Variants in CACNA2D3 observed in about 807,000 individuals in gnomAD.
CACNA2D3 encodes the protein calcium voltage-gated channel auxiliary subunit alpha2delta 3, also known as voltage-dependent calcium channel subunit alpha-2/delta-3.
Under a neutral mutation model 160.6 loss-of-function variants are expected in CACNA2D3, and 60 were observed. The observed-to-expected ratio is 0.37, with a 90% confidence interval of 0.30 to 0.46. CACNA2D3 has a LOEUF of 0.46. Among genes scored for constraint, CACNA2D3 ranks in the 20% least tolerant of loss-of-function variants. The pLI, the probability that CACNA2D3 is intolerant of heterozygous loss-of-function variation, is 1.00. For missense variants in CACNA2D3, 1,205 were observed against 1,365.0 expected (o/e 0.88, Z 1.85); for synonymous variants, 558 against 492.9 (o/e 1.13, Z -1.75).
At chr3:54,968,578 A>G (rs1702204799) in intron 28 of CACNA2D3, 67 bp downstream of exon 28, 1 of 1,187,368 alleles carries the variant, frequency 8.4e-7, no homozygotes, top group African/African-American at 1.5e-5. Flanking sequence ...CCATTTGGGT[A>G]CCTGGAGCCT....
At chr3:54,895,311 C>T (rs1010528206) in intron 25 of CACNA2D3, among the ~76,000 whole-genome samples, 2 of 152,118 alleles carry the variant, frequency 1.3e-5, no homozygotes, top group African/African-American at 4.8e-5. Flanking sequence ...CTGCTGAGAG[C>T]CAGGCCCTGG....
intron 29 of CACNA2D3, among the ~76,000 whole-genome samples, chr3:54,970,492 C>T (rs1303306089): frequency 2.1e-3 from 2 of 956 alleles, no homozygotes; most frequent in African/African-American, 3.6e-3. Flanking sequence ...CCTCCCTTCC[C>T]CTCCCCTCCC....
intron 5 of CACNA2D3, among the ~76,000 whole-genome samples, chr3:54,549,700 A>G (rs938844865): frequency 6.6e-6 from 1 of 152,178 alleles, no homozygotes; most frequent in Non-Finnish European, 1.5e-5. Flanking sequence ...TTGCTCCAGC[A>G]GTATCCGTGA....
chr3:55,018,365 A>G (rs1417763259), intron 35 of CACNA2D3, 48 bp downstream of exon 35: 4 of 1,196,094 alleles, frequency 3.3e-6, no homozygotes, highest in Non-Finnish European at 4.9e-6. Context: ...TCTGCTCAGC[A>G]CAGAACTTTC....
intron 2 of CACNA2D3, among the ~76,000 whole-genome samples, chr3:54,130,217 C>G (rs1699681569): frequency 6.6e-6 from 1 of 152,240 alleles, no homozygotes. Context: ...TTGGCTTTCT[C>G]TCTTTCCTGC....
intron 31 of CACNA2D3, among the ~76,000 whole-genome samples, chr3:54,988,587 GCCCTC>G (rs1289708479): frequency 6.6e-6 from 1 of 152,176 alleles, no homozygotes; most frequent in Non-Finnish European, 1.5e-5. Context: ...TGCAAGGATG[GCCCTC>G]CAGCTTCCCT....
intron 4 of CACNA2D3, among the ~76,000 whole-genome samples, chr3:54,492,534 T>C (rs992269940): frequency 6.6e-6 from 1 of 152,186 alleles, no homozygotes. Context: ...GAAGAGTTGA[T>C]TGTGAAGGCA....
At chr3:54,350,637 A>T (rs959490229) in intron 3 of CACNA2D3, among the ~76,000 whole-genome samples, 6 of 152,344 alleles carry the variant, frequency 3.9e-5, no homozygotes, top group African/African-American at 1.4e-4. Context: ...TTTCAAGATG[A>T]TGGGCTCAAC....
chr3:54,710,756 A>G (rs753105971), intron 11 of CACNA2D3, among the ~76,000 whole-genome samples: 3 of 152,236 alleles, frequency 2.0e-5, no homozygotes, highest in Non-Finnish European at 4.4e-5. Flanking sequence ...TAGAATATTA[A>G]TTGTTAGCCA....
chr3:55,033,896 TA>T lies in CACNA2D3; in HGVS notation c.2987+15581del, dbSNP rs1169404178. ...ATATATATTACATATTAAGTATATT[TA>T]ATATATAATATAAAAATACATATAT... is the stretch of plus-strand genomic sequence containing the variant. On this transcript the variant is annotated intron_variant, in intron 35 of 37. Coordinates refer to ENST00000474759, the MANE Select transcript of CACNA2D3 (RefSeq NM_018398.3). Among the ~76,000 whole-genome samples the T allele has an allele frequency of 7.6e-4, 104 of 136,448 alleles. 2 individuals are homozygous for T. Among genetic ancestry groups the T allele is most frequent in the African/African-American group, 2.6e-3 (94 of 36,832 alleles). The allele number at this position is 136,448 out of a possible 152,430, so 89.5% of individuals were successfully genotyped here. A position where few individuals can be genotyped will look rare whatever the true frequency, so the allele number is the denominator to read the frequency against.
chr3:54,886,774 A>T (rs1699935597), intron 23 of CACNA2D3, among the ~76,000 whole-genome samples: 1 of 151,956 alleles, frequency 6.6e-6, no homozygotes, highest in African/African-American at 2.4e-5. Context: ...GTATATATGT[A>T]CTACAACTTG....
intron 20 of CACNA2D3, 113 bp downstream of exon 20, chr3:54,879,524 A>G: frequency 1.3e-6 from 1 of 766,242 alleles, no homozygotes. Flanking sequence ...CACCCTGCCA[A>G]AAGGCTGGAA....
chr3:54,650,316 C>T (rs1699737094), intron 11 of CACNA2D3, among the ~76,000 whole-genome samples: 1 of 151,994 alleles, frequency 6.6e-6, no homozygotes, highest in African/African-American at 2.4e-5. Context: ...ACTCATGCCT[C>T]AGCCTCCCGA....
Position 54,325,679 on chromosome 3 carries a change from A to G in CACNA2D3, c.321+5121A>G, listed in dbSNP as rs1164826376. Reference sequence around the variant, plus strand: ...TAGTATCTGTTGTGGTAGCGTTTCAAGCAAAACATTACAATTAATTAGTTG... The same window carrying G: ...TAGTATCTGTTGTGGTAGCGTTTCAGGCAAAACATTACAATTAATTAGTTG... On this transcript the variant is annotated intron_variant, in intron 3 of 37. Coordinates refer to ENST00000474759, the MANE Select transcript of CACNA2D3 (RefSeq NM_018398.3). Among the ~76,000 whole-genome samples, 12 of 152,216 alleles carry G rather than the reference A, an allele frequency of 7.9e-5. No homozygotes were observed. In the East Asian group the frequency reaches 2.3e-3, roughly 29 times the overall value.
intron 9 of CACNA2D3, among the ~76,000 whole-genome samples, chr3:54,627,584 T>C (rs947246090): frequency 4.6e-5 from 7 of 152,226 alleles, no homozygotes; most frequent in African/African-American, 1.7e-4. Context: ...TCCTAAACTG[T>C]AACTGAAGCT....
chr3:54,609,679 T>G (rs1698708737), intron 9 of CACNA2D3, among the ~76,000 whole-genome samples: 1 of 152,188 alleles, frequency 6.6e-6, no homozygotes, highest in Admixed American at 6.5e-5. Context: ...AAAAAAATTT[T>G]AAATATGCTT....
chr3:54,689,915 C>T (rs1254551327), intron 11 of CACNA2D3, among the ~76,000 whole-genome samples: 3 of 152,136 alleles, frequency 2.0e-5, no homozygotes, highest in Non-Finnish European at 4.4e-5. Flanking sequence ...CTTCCATTTT[C>T]TCCAAGTAGA....
intron 9 of CACNA2D3, among the ~76,000 whole-genome samples, chr3:54,590,963 C>T (rs958404762): frequency 2.0e-5 from 3 of 152,100 alleles, no homozygotes; most frequent in East Asian, 1.9e-4. Context: ...ATGTTCTTAC[C>T]GTATGTGTCT....
chr3:54,595,315 T>TGTGTGTGTGG (rs1267169536), intron 9 of CACNA2D3, among the ~76,000 whole-genome samples: 88 of 98,852 alleles, frequency 8.9e-4, no homozygotes, highest in African/African-American at 4.0e-3. Context: ...GTGTGTGTGG[T>TGTGTGTGTGG]GTGTGTGTGT....
Sources: gnomAD v4.1 joint callset for allele counts (sites outside exome capture counted in the v4.1 genomes callset) on GRCh38, gnomAD v4.1.1 for gene constraint, MANE v1.5 for transcripts, NCBI Gene and HGNC (gene_info 2026-07-23, HGNC 2026-07-21) for gene names.